The following LHFPL3 variants were observed in gnomAD, a reference collection of about 807,000 sequenced individuals.
The protein encoded by LHFPL3 is LHFPL tetraspan subfamily member 3 protein.
Under a neutral mutation model 19.3 loss-of-function variants are expected in LHFPL3, and 5 were observed. The ratio of observed to expected loss-of-function variants is 0.26; its 90% CI spans 0.14 to 0.54. The LOEUF (loss-of-function observed/expected upper bound fraction) is 0.54, where lower values mean the gene tolerates loss of function less well. LHFPL3 is among the 20% of genes least tolerant of loss of function. The pLI, the probability that LHFPL3 is intolerant of heterozygous loss-of-function variation, is 0.94. For missense variants in LHFPL3, 249 were observed against 307.4 expected (o/e 0.81, Z 1.42); for synonymous variants, 133 against 126.2 (o/e 1.05, Z -0.36).
At chr7:104,590,576 G>T (rs1016607172) in intron 1 of LHFPL3, among the ~76,000 whole-genome samples, 4 of 152,170 alleles carry the variant, frequency 2.6e-5, no homozygotes, top group African/African-American at 7.2e-5. Context: ...GTGCTGAGAA[G>T]AATGTATATT....
At chr7:104,482,423 T>A (rs1793155258) in intron 1 of LHFPL3, among the ~76,000 whole-genome samples, 1 of 152,204 alleles carries the variant, frequency 6.6e-6, no homozygotes, top group Non-Finnish European at 1.5e-5. Context: ...GCCAATCATG[T>A]ATTTGTCCAT....
At chr7:104,618,861 C>A (rs1442893556) in intron 1 of LHFPL3, among the ~76,000 whole-genome samples, 2 of 152,200 alleles carry the variant, frequency 1.3e-5, no homozygotes, top group Non-Finnish European at 2.9e-5. Flanking sequence ...GATCCATGTA[C>A]CCTGCCATAT....
At chr7:104,363,038 G>C (rs1243353497) in intron 1 of LHFPL3, among the ~76,000 whole-genome samples, 1 of 152,218 alleles carries the variant, frequency 6.6e-6, no homozygotes, top group Non-Finnish European at 1.5e-5. Context: ...TGTAGCCTCT[G>C]GCTGCATTAC....
At position 104,833,038 on chromosome 7, in the gene LHFPL3, T is replaced by TATATCTATTATATATAATAG. The variant is rs1554349396; in HGVS notation, c.683-73145_683-73144insCTATTATATATAATAGATAT. ...TTATATATAATAGATATATTATATA[T>TATATCTATTATATATAATAG]ATATATTATATATATATTATATATA... On this transcript the variant is annotated intron_variant, in intron 2 of 2. Coordinates refer to ENST00000424859, the MANE Select transcript of LHFPL3 (RefSeq NM_199000.3). Among the ~76,000 whole-genome samples the TATATCTATTATATATAATAG allele has an allele frequency of 2.3e-4, 5 of 21,606 alleles. 1 individual carries two copies. Among genetic ancestry groups the TATATCTATTATATATAATAG allele is most frequent in the East Asian group, 2.7e-3 (1 of 374 alleles). The allele number at this position is 21,606 out of a possible 152,430, so 14.2% of individuals were successfully genotyped here.
chr7:104,759,047 T>C (rs1382592176), intron 2 of LHFPL3, among the ~76,000 whole-genome samples: 2 of 152,244 alleles, frequency 1.3e-5, no homozygotes, highest in Admixed American at 6.5e-5. Context: ...AGCTGATTTT[T>C]AAGTCACGCC....
chr7:104,330,736 T>C (rs1418051646), intron 1 of LHFPL3, among the ~76,000 whole-genome samples: 1 of 152,122 alleles, frequency 6.6e-6, no homozygotes, highest in African/African-American at 2.4e-5. Context: ...CATCCCCAAC[T>C]TTTTCTAGCA....
intron 1 of LHFPL3, among the ~76,000 whole-genome samples, chr7:104,518,797 T>TGATA (rs56373754): frequency 0.23 from 32,504 of 138,416 alleles, 3,720 homozygotes; most frequent in East Asian, 0.29. Flanking sequence ...AATAAATAGA[T>TGATA]GATAGATAGA....
chr7:104,586,179 A>G (rs960748953), intron 1 of LHFPL3, among the ~76,000 whole-genome samples: 1 of 152,170 alleles, frequency 6.6e-6, no homozygotes, highest in African/African-American at 2.4e-5. Flanking sequence ...AAATAAAAGA[A>G]AGTATGTTGG....
chr7:104,393,171 A>G (rs1285604381), intron 1 of LHFPL3, among the ~76,000 whole-genome samples: 1 of 152,096 alleles, frequency 6.6e-6, no homozygotes, highest in Non-Finnish European at 1.5e-5. Flanking sequence ...AATAATAAAT[A>G]ATGTTGAGGT....
At chr7:104,346,123 C>A (rs987110217) in intron 1 of LHFPL3, among the ~76,000 whole-genome samples, 3 of 151,386 alleles carry the variant, frequency 2.0e-5, no homozygotes, top group African/African-American at 7.3e-5. Flanking sequence ...GCAACCTCTG[C>A]CTCCCAGGTT....
intron 1 of LHFPL3, among the ~76,000 whole-genome samples, chr7:104,338,844 A>T (rs1165467742): frequency 1.3e-5 from 2 of 152,266 alleles, no homozygotes; most frequent in Non-Finnish European, 2.9e-5. Context: ...CTTAAAAACC[A>T]TTTAACAAAA....
intron 1 of LHFPL3, among the ~76,000 whole-genome samples, chr7:104,532,352 G>A (rs1368219919): frequency 2.9e-5 from 3 of 102,058 alleles, no homozygotes; most frequent in Admixed American, 1.5e-4. Flanking sequence ...GTTAAAGAAC[G>A]AATCTAGCTA....
intron 1 of LHFPL3, among the ~76,000 whole-genome samples, chr7:104,374,314 T>C (rs1790668686): frequency 6.6e-6 from 1 of 151,984 alleles, no homozygotes; most frequent in Non-Finnish European, 1.5e-5. Flanking sequence ...TGATCTTGGC[T>C]CACTGCAACC....
Position 104,528,830 on chromosome 7 carries a change from G to A in LHFPL3, c.445+199606G>A, listed in dbSNP as rs77528831. 4.5e-4 allele frequency among the ~76,000 whole-genome samples: 68 copies of A among 152,176 alleles called. 1 individual carries two copies. The highest frequency in any genetic ancestry group is 1.5e-3 in the African/African-American group (63 of 41,526). On this transcript the variant is annotated intron_variant, in intron 1 of 2. Coordinates refer to ENST00000424859, the MANE Select transcript of LHFPL3 (RefSeq NM_199000.3). ...GAATTAAGCTTAAACACCTTAGCTC[G>A]ACATTGAAGATGTATGGCTAAAGAC...
intron 2 of LHFPL3, among the ~76,000 whole-genome samples, chr7:104,848,197 C>G (rs1791348260): frequency 6.6e-6 from 1 of 152,172 alleles, no homozygotes. Flanking sequence ...ACTCTTGATG[C>G]CGCCTCTGCA....
intron 2 of LHFPL3, among the ~76,000 whole-genome samples, chr7:104,819,707 C>A (rs1235732525): frequency 6.6e-6 from 1 of 152,146 alleles, no homozygotes; most frequent in Non-Finnish European, 1.5e-5. Flanking sequence ...GTAATCACGA[C>A]CTTTTGGGAT....
At chr7:104,662,975 T>G (rs765252502) in intron 1 of LHFPL3, among the ~76,000 whole-genome samples, 4 of 152,240 alleles carry the variant, frequency 2.6e-5, no homozygotes, top group South Asian at 2.1e-4. Context: ...TTTACTGTGG[T>G]TTACTTCAGA....
At chr7:104,465,369 A>G (rs1344349298) in intron 1 of LHFPL3, among the ~76,000 whole-genome samples, 1 of 152,184 alleles carries the variant, frequency 6.6e-6, no homozygotes, top group Non-Finnish European at 1.5e-5. Flanking sequence ...CCTGTTATCC[A>G]GTTCCAAAGT....
intron 1 of LHFPL3, among the ~76,000 whole-genome samples, chr7:104,495,934 T>G (rs933857223): frequency 1.3e-5 from 2 of 149,980 alleles, no homozygotes; most frequent in Non-Finnish European, 3.0e-5. Flanking sequence ...ATAAGCTAAT[T>G]GTCTGAGATC....
Sources: gnomAD v4.1 joint callset for allele counts (sites outside exome capture counted in the v4.1 genomes callset) on GRCh38, gnomAD v4.1.1 for gene constraint, MANE v1.5 for transcripts, NCBI Gene and HGNC (gene_info 2026-07-23, HGNC 2026-07-21) for gene names.